Variants in RASL10B observed in about 807,000 individuals in gnomAD.
RASL10B encodes the protein RAS like family 10 member B, also known as ras-like protein family member 10B.
A neutral mutation model predicts 20.7 loss-of-function variants in RASL10B; 10 were observed. The observed-to-expected ratio is 0.48, with a 90% CI of 0.30 to 0.82. The LOEUF (loss-of-function observed/expected upper bound fraction) is 0.82, where lower values mean the gene tolerates loss of function less well. RASL10B is among the 40% of genes least tolerant of loss of function. RASL10B has a pLI of 0.07. For missense variants in RASL10B, 231 were observed against 295.4 expected, an observed-to-expected ratio of 0.78 and a Z score of 1.60; for synonymous variants, 110 against 123.3, an observed-to-expected ratio of 0.89 and a Z score of 0.72.
chr17:35,741,279 C>T lies in RASL10B; in HGVS notation c.586C>T (p.Arg196Cys), dbSNP rs1219000808. The T allele has an allele frequency of 4.2e-5, 64 of 1,527,042 alleles. No homozygotes were observed. The highest frequency in any genetic ancestry group is 5.3e-5 in the Non-Finnish European group (60 of 1,134,468). The allele number at this position is 1,527,042 out of a possible 1,614,324, so 94.6% of individuals were successfully genotyped here. The change falls in exon 4 of 4, where the codon CGC becomes TGC. Residue 196 changes from arginine to cysteine, a missense_variant. Arg to Cys is a radical substitution (Grantham distance 180). Transcript: ENST00000603017. ...HAALRFQGAL[R>C]RNRCAIM ...TGCCCTGCGCTTCCAGGGCGCGCTG[C>T]GCCGCAACCGCTGCGCCATCATGTG... is the stretch of plus-strand genomic sequence containing the variant.
Position 35,741,338 on chromosome 17 carries a change from G to C in RASL10B, c.*33G>C. ...GCGCCCCTCGGGCTGCACCGGCACT[G>C]GCCGAGCGGAGGGCGGGGCCGTACT... On this transcript the variant is annotated 3_prime_UTR_variant, in exon 4 of 4. Transcript: ENST00000603017. 1.4e-6 allele frequency: 2 copies of C among 1,405,040 alleles called. No individual in the cohort carries two copies. The highest frequency in any genetic ancestry group is 1.8e-6 in the Non-Finnish European group (2 of 1,084,300). 87.0% of individuals were successfully genotyped at this position (1,405,040 alleles called of 1,614,324 possible).
chr17:35,740,371 G>A (rs782177927), intron 2 of RASL10B, 38 bp from the exon 3 acceptor site: 1 of 1,606,708 alleles, frequency 6.2e-7, no homozygotes, highest in Non-Finnish European at 8.5e-7. Flanking sequence ...GAGCCCTCAT[G>A]GCTGCTCTGA....
intron 1 of RASL10B, 72 bp from the exon 2 acceptor site, chr17:35,734,966 C>A (rs924623591): frequency 5.6e-5 from 33 of 588,298 alleles, no homozygotes; most frequent in Non-Finnish European, 9.1e-5. Context: ...TCAGCAAAGT[C>A]CCAAAGGTGG....
rs1351363628 is a variant in RASL10B, at chr17:35,741,977, G to T, written c.*672G>T. On this transcript the variant is annotated 3_prime_UTR_variant, in exon 4 of 4. Coordinates refer to ENST00000603017, the MANE Select transcript of RASL10B (RefSeq NM_033315.4). ...GCTTCCAGGGAGACCTCCCCGCCCA[G>T]CAGCCCCCAGAGACACAACAACCTA... The T allele has an allele frequency of 6.5e-6, 1 of 152,706 alleles. No homozygotes were observed. Among genetic ancestry groups the T allele is most frequent in the African/African-American group, 2.4e-5 (1 of 41,416 alleles). 9.5% of individuals were successfully genotyped at this position (152,706 alleles called of 1,614,324 possible). A position where few individuals can be genotyped will look rare whatever the true frequency, so the allele number is the denominator to read the frequency against.
At chr17:35,740,295 A>T in intron 2 of RASL10B, 114 bp from the exon 3 acceptor site, 1 of 1,391,212 alleles carries the variant, frequency 7.2e-7, no homozygotes, top group Non-Finnish European at 9.8e-7. Context: ...TCGGGTATGG[A>T]AGGCTTCAGG....
At chr17:35,734,160 C>A (rs1291720148) in intron 1 of RASL10B, among the ~76,000 whole-genome samples, 1 of 152,164 alleles carries the variant, frequency 6.6e-6, no homozygotes, top group Non-Finnish European at 1.5e-5. Flanking sequence ...GTGGCAGGTG[C>A]CTGTAATCCC....
chr17:35,735,091 C>T lies in RASL10B; in HGVS notation c.-94C>T. ...GCAAGCAGAGGCAGCAATGGTTGGT[C>T]CTGACGGTGGCTGAGCCCCCAGCCC... On this transcript the variant is annotated 5_prime_UTR_variant, in exon 2 of 4. Transcript: ENST00000603017. This position sits in a 1 kb window ranked among gnomAD's most constrained non-coding sequence, Gnocchi z 6.7. 2 of 1,310,478 alleles carry T rather than the reference C, an allele frequency of 1.5e-6. No individual in the cohort carries two copies. The highest frequency in any genetic ancestry group is 2.1e-6 in the Non-Finnish European group (2 of 932,712). 81.2% of individuals were successfully genotyped at this position (1,310,478 alleles called of 1,614,324 possible). A position where few individuals can be genotyped will look rare whatever the true frequency, so the allele number is the denominator to read the frequency against.
In RASL10B at chr17:35,735,485, C is replaced by T; in HGVS notation, c.216+85C>T. On this transcript the variant is annotated intron_variant, in intron 2 of 3. Transcript: ENST00000603017. This position sits in a 1 kb window ranked among gnomAD's most constrained non-coding sequence, Gnocchi z 6.7. Reference sequence around the variant, plus strand: ...GATTCCAAACTGCTGTAGCTTGGGCCCTATTGCCAGGGCCCCATCACTGAG... The same window carrying T: ...GATTCCAAACTGCTGTAGCTTGGGCTCTATTGCCAGGGCCCCATCACTGAG... 1 of 1,389,020 alleles carries T rather than the reference C, an allele frequency of 7.2e-7. No homozygotes were observed. The highest frequency in any genetic ancestry group is 1.4e-5 in the African/African-American group (1 of 70,330). 86.0% of individuals were successfully genotyped at this position (1,389,020 alleles called of 1,614,324 possible). A position where few individuals can be genotyped will look rare whatever the true frequency, so the allele number is the denominator to read the frequency against.
At chr17:35,733,410 G>A (rs2085571652) in intron 1 of RASL10B, among the ~76,000 whole-genome samples, 1 of 152,228 alleles carries the variant, frequency 6.6e-6, no homozygotes, top group Non-Finnish European at 1.5e-5. Context: ...TAGGAATCAA[G>A]CCCTGGCGGT....
intron 2 of RASL10B, among the ~76,000 whole-genome samples, chr17:35,739,796 A>G (rs2085617304): frequency 6.6e-6 from 1 of 152,246 alleles, no homozygotes; most frequent in African/African-American, 2.4e-5. Flanking sequence ...TTGAGCCAAC[A>G]GTGCTAGACA....
At chr17:35,732,492 A>G (rs1412202410) in intron 1 of RASL10B, among the ~76,000 whole-genome samples, 2 of 152,148 alleles carry the variant, frequency 1.3e-5, no homozygotes, top group Non-Finnish European at 2.9e-5. Context: ...TTGGATTAAT[A>G]TACTCTTAGA....
Position 35,735,173 on chromosome 17 carries a change from G to T in RASL10B, c.-12G>T, listed in dbSNP as rs782517915. 6.2e-7 allele frequency: 1 copy of T among 1,602,502 alleles called. No homozygotes were observed. On this transcript the variant is annotated 5_prime_UTR_variant, in exon 2 of 4. Transcript: ENST00000603017. This position sits in a 1 kb window ranked among gnomAD's most constrained non-coding sequence, Gnocchi z 6.7. The stretch of plus-strand genomic sequence containing the variant: ...AGCGGCAAGGACGAGGTGGCGGAGT[G>T]GGGCGGGAGGCATGGTCTCCACCTA...
rs2085581720 is a variant in RASL10B at position 35,735,109 on chromosome 17, C to T, written c.-76C>T. ...GGTTGGTCCTGACGGTGGCTGAGCC[C>T]CCAGCCCCTGGAATATGCAGCCCGG... On this transcript the variant is annotated 5_prime_UTR_variant, in exon 2 of 4. Transcript: ENST00000603017. This position sits in a 1 kb window ranked among gnomAD's most constrained non-coding sequence, Gnocchi z 6.7. 2.0e-6 allele frequency: 3 copies of T among 1,480,144 alleles called. No homozygotes were observed. The East Asian group carries it at 6.8e-5, about 34-fold the overall frequency. 91.7% of individuals were successfully genotyped at this position (1,480,144 alleles called of 1,614,324 possible).
intron 2 of RASL10B, among the ~76,000 whole-genome samples, chr17:35,738,175 T>A (rs587652338): frequency 6.6e-6 from 1 of 152,290 alleles, no homozygotes; most frequent in Non-Finnish European, 1.5e-5. Context: ...AGGGCCTTTG[T>A]GTTTCTCTTT....
At chr17:35,732,046 C>G (rs1044116390) in intron 1 of RASL10B, among the ~76,000 whole-genome samples, 168 bp downstream of exon 1, 1 of 147,782 alleles carries the variant, frequency 6.8e-6, no homozygotes, top group Non-Finnish European at 1.5e-5. Flanking sequence ...GGGGCCGCCA[C>G]GTGAGAGCTG....
At chr17:35,734,860 A>G (rs1223299916) in intron 1 of RASL10B, among the ~76,000 whole-genome samples, 178 bp from the exon 2 acceptor site, 1 of 152,096 alleles carries the variant, frequency 6.6e-6, no homozygotes, top group Non-Finnish European at 1.5e-5. Flanking sequence ...CTACTACTGG[A>G]ATGCAGGAAA....
Position 35,740,499 on chromosome 17 carries a change from G to A in RASL10B, c.307G>A (p.Val103Ile), listed in dbSNP as rs587776188. ...DICCFDSFEYVKTIRQQILET... is the reference protein window; with the variant it reads ...DICCFDSFEYIKTIRQQILET... The stretch of plus-strand genomic sequence containing the variant: ...CTGCTGCTTTGACAGCTTTGAGTAC[G>A]TCAAGACCATCCGCCAGCAGATCCT... Residue 103 changes from valine to isoleucine, a missense_variant, in exon 3 of 4, where the codon GTC becomes ATC. Coordinates refer to ENST00000603017, the MANE Select transcript of RASL10B (RefSeq NM_033315.4). The A allele has an allele frequency of 2.5e-5, 40 of 1,613,842 alleles. No individual in the cohort carries two copies. Among genetic ancestry groups the A allele is most frequent in the South Asian group, 4.4e-5 (4 of 91,076 alleles).
intron 2 of RASL10B, among the ~76,000 whole-genome samples, chr17:35,739,058 G>A (rs782361842): frequency 3.9e-5 from 6 of 152,268 alleles, no homozygotes; most frequent in East Asian, 1.9e-4. Context: ...TCCTCCCGCC[G>A]CACCAAAAAT....
chr17:35,740,629 GGT>G, intron 3 of RASL10B, 96 bp downstream of exon 3: 3 of 1,383,224 alleles, frequency 2.2e-6, no homozygotes, highest in Non-Finnish European at 3.0e-6. Flanking sequence ...CACAGATAGA[GGT>G]ATATGTGTTC....
Sources: allele counts gnomAD v4.1 joint callset (sites outside exome capture counted in the v4.1 genomes callset), GRCh38; gene constraint gnomAD v4.1.1; non-coding constraint Gnocchi (gnomAD v3.1); transcripts MANE v1.5; gene names NCBI Gene and HGNC (gene_info 2026-07-23, HGNC 2026-07-21).